Variants in ATAD2 observed in about 807,000 individuals in gnomAD.
The protein encoded by ATAD2 is ATPase family AAA domain containing 2.
ATAD2 carries 62 observed loss-of-function variants against 168.9 expected under a neutral mutation model. The ratio of observed to expected loss-of-function variants is 0.37; its 90% confidence interval spans 0.30 to 0.45. The LOEUF is 0.45. Ranked by LOEUF, ATAD2 falls within the 20% of genes least tolerant of loss-of-function variation. The pLI, the probability that ATAD2 is intolerant of heterozygous loss-of-function variation, is 1.00. For missense variants in ATAD2, 1,419 were observed against 1,667.8 expected, an observed-to-expected ratio of 0.85 and a Z score of 2.60; for synonymous variants, 613 against 571.6, an observed-to-expected ratio of 1.07 and a Z score of -1.03.
chr8:123,337,485 A>G, intron 21 of ATAD2, 140 bp downstream of exon 21: 1 of 720,894 alleles, frequency 1.4e-6, no homozygotes, highest in Non-Finnish European at 2.1e-6. Flanking sequence ...ACATGTGCTT[A>G]GGACACTAAC....
chr8:123,339,318 C>T lies in ATAD2; in HGVS notation c.2847G>A (p.Lys949=). 6.4e-7 allele frequency: 1 copy of T among 1,555,970 alleles called. No individual in the cohort carries two copies. The highest frequency in any genetic ancestry group is 1.2e-5 in the South Asian group (1 of 82,822). The change falls in exon 20 of 28, where the codon AAG becomes AAA. Residue 949 remains lysine (K), a synonymous_variant. Coordinates refer to ENST00000287394, the MANE Select transcript of ATAD2 (RefSeq NM_014109.4). ...TTTGATATAGAAACTAACCTGCTTT[C>T]TTTTTTGATATAGGAGGCTTAGCAG... ...KQAAKPPISK[K]KAVLQALEVL...
chr8:123,386,531 G>A (rs763678298), intron 1 of ATAD2, among the ~76,000 whole-genome samples: 1 of 152,086 alleles, frequency 6.6e-6, no homozygotes, highest in Non-Finnish European at 1.5e-5. Flanking sequence ...GGGAGTAAGT[G>A]TTTAATGGGT....
At position 123,402,523 on chromosome 8, in the gene ATAD2, T is replaced by C. The variant is rs113342074; in HGVS notation, c.-2281-1348A>G. Among the ~76,000 whole-genome samples the C allele has an allele frequency of 0.027, 4,153 of 152,280 alleles. 210 individuals are homozygous for C. Among genetic ancestry groups the C allele is most frequent in the African/African-American group, 0.095 (3,927 of 41,552 alleles). On this transcript the variant is annotated intron_variant, in intron 1 of 28. Transcript: ENST00000521903. The surrounding 1 kb of genome is among the most constrained non-coding windows in gnomAD (Gnocchi z 4.8). Reference sequence around the variant, plus strand: ...CTGGCCTACTGCCCCCTCAGCCATGTGGCACTTCTGAGCTCCTGACCTAGG... The same window carrying C: ...CTGGCCTACTGCCCCCTCAGCCATGCGGCACTTCTGAGCTCCTGACCTAGG...
At chr8:123,398,930 A>T (rs1409699261), upstream of ATAD2, among the ~76,000 whole-genome samples, 1 of 152,250 alleles carries the variant, frequency 6.6e-6, no homozygotes, top group African/African-American at 2.4e-5. Context: ...AGTTTAAAAA[A>T]TTTAAAAAGT....
chr8:123,378,497 T>A (rs1024292742), intron 2 of ATAD2, among the ~76,000 whole-genome samples: 11 of 151,360 alleles, frequency 7.3e-5, no homozygotes, highest in African/African-American at 2.7e-4. Flanking sequence ...AAGTCAGGAG[T>A]TCGAGACCAG....
intron 2 of ATAD2, 133 bp from the exon 3 acceptor site, chr8:123,372,819 C>A: frequency 1.5e-6 from 1 of 646,486 alleles, no homozygotes. Context: ...CCTCAAACTG[C>A]TGGGCTCAAG....
rs1486573256 is a variant in ATAD2 at position 123,359,597 on chromosome 8, G to C, written c.1246C>G (p.Pro416Ala). ...KIGASLADVDPMQLDSSVRFD... is the reference protein window; with the variant it reads ...KIGASLADVDAMQLDSSVRFD... Reference sequence around the variant, plus strand: ...CTCACTGAAGAATCTAGTTGCATTGGATCAACATCGGCAAGGCTTGCTCCA... The same window carrying C: ...CTCACTGAAGAATCTAGTTGCATTGCATCAACATCGGCAAGGCTTGCTCCA... The change falls in exon 10 of 28, where the codon CCA becomes GCA. Residue 416 changes from proline to alanine, a missense_variant. Around this residue, in one of 5 missense-constraint regions of ATAD2, gnomAD observed 146 missense variants for 188.3 expected, o/e 0.78. Transcript: ENST00000287394. The C allele has an allele frequency of 2.5e-6, 4 of 1,612,112 alleles. No individual in the cohort carries two copies. The highest frequency in any genetic ancestry group is 1.7e-5 in the Admixed American group (1 of 59,878).
intron 22 of ATAD2, among the ~76,000 whole-genome samples, chr8:123,334,778 A>C (rs1002707890): frequency 6.6e-6 from 1 of 152,224 alleles, no homozygotes; most frequent in African/African-American, 2.4e-5. Context: ...GGAAAATCCT[A>C]AGCTCAGAGT....
intron 8 of ATAD2, among the ~76,000 whole-genome samples, chr8:123,362,380 G>A (rs1828854152): frequency 6.6e-6 from 1 of 150,398 alleles, no homozygotes; most frequent in Non-Finnish European, 1.5e-5. Flanking sequence ...ATTCACATTT[G>A]GGAGGAAATC....
intron 15 of ATAD2, 182 bp downstream of exon 15, chr8:123,348,001 T>TA: frequency 1.5e-6 from 1 of 651,956 alleles, no homozygotes; most frequent in South Asian, 1.7e-5. Context: ...ATGCCACAAA[T>TA]AAGAGATAAG....
chr8:123,398,226 C>CTTTTTTTT (rs1188897965), upstream of ATAD2, among the ~76,000 whole-genome samples: 50 of 101,756 alleles, frequency 4.9e-4, no homozygotes, highest in African/African-American at 1.8e-3. Context: ...GGTTCTTGTT[C>CTTTTTTTT]TTTTTTTTTT....
chr8:123,383,857 G>C (rs1285158986), intron 1 of ATAD2, among the ~76,000 whole-genome samples: 1 of 151,976 alleles, frequency 6.6e-6, no homozygotes, highest in Non-Finnish European at 1.5e-5. Flanking sequence ...GCTGAGGCGA[G>C]GGGCTCATGA....
chr8:123,382,661 C>G (rs561905867), intron 1 of ATAD2, among the ~76,000 whole-genome samples: 2 of 152,160 alleles, frequency 1.3e-5, no homozygotes, highest in African/African-American at 4.8e-5. Context: ...CCAGCTCACA[C>G]CAGTTAGAAT....
intron 19 of ATAD2, among the ~76,000 whole-genome samples, chr8:123,339,897 C>CT (rs55690697): frequency 1.9e-4 from 28 of 145,650 alleles, no homozygotes; most frequent in South Asian, 2.2e-4. Flanking sequence ...TTTTTGTTTT[C>CT]TTTTTTTTTT....
Position 123,356,405 on chromosome 8 carries a change from G to C in ATAD2, c.1630C>G (p.Gln544Glu). 1 of 1,610,870 alleles carries C rather than the reference G, an allele frequency of 6.2e-7. No homozygotes were observed. The highest frequency in any genetic ancestry group is 8.5e-7 in the Non-Finnish European group (1 of 1,178,188). ...DGLAPVRSSR[Q>E]DQIHSSIVST... is the part of the protein sequence containing the mutation. ...AAGTTTTACCTGTGAATCTGATCTT[G>C]CCTGCTTGACCGTACTGGAGCCAGA... Residue 544 changes from glutamine (Q) to glutamate (E), a missense_variant, in exon 13 of 28, where the codon CAA becomes GAA. Gln to Glu is a conservative substitution (Grantham distance 29). This residue lies in a region of ATAD2 where 545 missense variants were observed against 724.9 expected (regional missense o/e 0.75). Coordinates refer to ENST00000287394, the MANE Select transcript of ATAD2 (RefSeq NM_014109.4).
Position 123,349,440 on chromosome 8 carries a change from T to C in ATAD2, c.1651A>G (p.Ile551Val), listed in dbSNP as rs142418849. ...SSRQDQIHSS[I>V]VSTLLALMDG... The stretch of plus-strand genomic sequence containing the variant: ...ATAAGAGCTAGCAGGGTGGAAACAA[T>C]AGAACTAAATTTTAAAAATAAGAGA... The change falls in exon 14 of 28, where the codon ATT becomes GTT. Residue 551 changes from isoleucine to valine, a missense_variant. By Grantham distance (29) the Ile-to-Val change is conservative. Transcript: ENST00000287394. 2.8e-5 allele frequency: 45 copies of C among 1,613,010 alleles called. No individual in the cohort carries two copies. The highest frequency in any genetic ancestry group is 4.4e-5 in the South Asian group (4 of 90,932).
chr8:123,372,775 A>G (rs977460215), intron 2 of ATAD2, 89 bp from the exon 3 acceptor site: 7 of 1,096,400 alleles, frequency 6.4e-6, no homozygotes, highest in Non-Finnish European at 8.8e-6. Context: ...ATCGTCCAAC[A>G]GGAGTGCAGT....
At chr8:123,367,483 TCAAA>T (rs1278154786) in intron 8 of ATAD2, among the ~76,000 whole-genome samples, 2 of 152,170 alleles carry the variant, frequency 1.3e-5, no homozygotes, top group Admixed American at 1.3e-4. Context: ...TACTGCTGGA[TCAAA>T]CAGAGATCCA....
intron 25 of ATAD2, 87 bp from the exon 26 acceptor site, chr8:123,326,113 G>T: frequency 7.1e-7 from 1 of 1,407,958 alleles, no homozygotes; most frequent in Non-Finnish European, 9.7e-7. Context: ...GATTAAACAG[G>T]GCATGTTTAC....
Sources: gnomAD v4.1 joint callset for allele counts (sites outside exome capture counted in the v4.1 genomes callset) on GRCh38, gnomAD v4.1.1 for gene constraint, gnomAD v4.1.1 regional missense constraint, Gnocchi (gnomAD v3.1) non-coding constraint, MANE v1.5 for transcripts, NCBI Gene and HGNC (gene_info 2026-07-23, HGNC 2026-07-21) for gene names.